Variants in ZNF423 observed in about 807,000 individuals in gnomAD.
ZNF423 encodes the protein zinc finger protein 423.
In ZNF423, 12 loss-of-function variants were observed where a neutral mutation model predicts 95.8. The ratio of observed to expected loss-of-function variants is 0.13; its 90% CI spans 0.08 to 0.20. ZNF423 has a LOEUF of 0.20. ZNF423 is among the 10% of genes least tolerant of loss of function. The pLI is 1.00. For synonymous variants in ZNF423, 749 were observed against 711.9 expected, an observed-to-expected ratio of 1.05 and a Z score of -0.83; for missense variants, 1,316 against 1,737.1, an observed-to-expected ratio of 0.76 and a Z score of 4.31.
At chr16:49,528,296 CT>C (rs1451654578) in intron 5 of ZNF423, among the ~76,000 whole-genome samples, 1 of 152,184 alleles carries the variant, frequency 6.6e-6, no homozygotes, top group Admixed American at 6.5e-5. Context: ...CTGGTCCCCC[CT>C]GATTCATAGC....
At chr16:49,602,528 A>C (rs1971406346) in intron 5 of ZNF423, among the ~76,000 whole-genome samples, 1 of 152,150 alleles carries the variant, frequency 6.6e-6, no homozygotes, top group African/African-American at 2.4e-5. Flanking sequence ...CAGTTTCAGC[A>C]GATTCCTCCA....
Position 49,677,769 on chromosome 16 carries a change from AGAG to A in ZNF423, c.302-38898_302-38896del, listed in dbSNP as rs146060321. ...ACCCTGTCTCAAAAAAAAAAAAAAA[AGAG>A]AGAGAGAGAGAGAGAATGATTAGAA... On this transcript the variant is annotated intron_variant, in intron 3 of 7. Transcript: ENST00000563137. Among the ~76,000 whole-genome samples the A allele has an allele frequency of 3.2e-3, 355 of 111,808 alleles. 1 individual carries two copies. The highest frequency in any genetic ancestry group is 8.6e-3 in the African/African-American group (204 of 23,656). The allele number at this position is 111,808 out of a possible 152,430, so 73.4% of individuals were successfully genotyped here. A position where few individuals can be genotyped will look rare whatever the true frequency, so the allele number is the denominator to read the frequency against.
intron 3 of ZNF423, among the ~76,000 whole-genome samples, chr16:49,716,685 C>T (rs2032717017): frequency 1.3e-5 from 2 of 152,086 alleles, no homozygotes; most frequent in Non-Finnish European, 2.9e-5. Flanking sequence ...TTTCCTGTTC[C>T]GAATCCCCCG....
intron 3 of ZNF423, among the ~76,000 whole-genome samples, chr16:49,677,729 G>A (rs2031175198): frequency 6.7e-6 from 1 of 148,204 alleles, no homozygotes; most frequent in African/African-American, 2.5e-5. Context: ...CCTCCGGCCT[G>A]GATAAAAGAG....
At chr16:49,766,214 T>C (rs1201607808) in intron 2 of ZNF423, among the ~76,000 whole-genome samples, 4 of 152,104 alleles carry the variant, frequency 2.6e-5, no homozygotes, top group African/African-American at 9.7e-5. Context: ...TAGGACCAAA[T>C]GCAATTCAAG....
intron 7 of ZNF423, chr16:49,518,201 T>C (rs1301776761): frequency 2.6e-6 from 1 of 381,238 alleles, no homozygotes; most frequent in South Asian, 2.0e-5. Context: ...GTTGACCACA[T>C]GCACTTGTAG....
chr16:49,849,698 A>G (rs757034322), intron 1 of ZNF423, among the ~76,000 whole-genome samples: 10 of 152,314 alleles, frequency 6.6e-5, no homozygotes, highest in Middle Eastern at 6.8e-3. Context: ...GCAGGTTAAA[A>G]AAGAAAGAAA....
chr16:49,766,350 G>A (rs547471217), intron 2 of ZNF423, among the ~76,000 whole-genome samples: 2 of 152,200 alleles, frequency 1.3e-5, no homozygotes, highest in Non-Finnish European at 2.9e-5. Flanking sequence ...GAAGTGACAG[G>A]AAGGCTCCTC....
rs1017634783 is a variant in ZNF423 at position 49,488,477 on chromosome 16, G to A, written c.*2798C>T. On this transcript the variant is annotated 3_prime_UTR_variant, in exon 8 of 8. Coordinates refer to ENST00000563137, the MANE Select transcript of ZNF423 (RefSeq NM_001379286.1). ...TAAATACAGCAGCAATGAACCTTAG[G>A]CTTTCAGTCACCTCGCCCACTCCCC... The A allele has an allele frequency of 2.0e-4, 30 of 152,216 alleles. No homozygotes were observed. The highest frequency in any genetic ancestry group is 7.0e-4 in the African/African-American group (29 of 41,444). The allele number at this position is 152,216 out of a possible 1,614,324, so 9.4% of individuals were successfully genotyped here. A position where few individuals can be genotyped will look rare whatever the true frequency, so the allele number is the denominator to read the frequency against.
In ZNF423 at chr16:49,491,235, G is replaced by T. The variant is rs746900694; in HGVS notation, c.*40C>A. ...AAATGGCCCTCCCCACGGCGTCTCC[G>T]GCAAGCCTTCTGCGGAGAGGTGTCC... is the stretch of plus-strand genomic sequence containing the variant. On this transcript the variant is annotated 3_prime_UTR_variant, in exon 8 of 8. Transcript: ENST00000563137. 3.1e-6 allele frequency: 5 copies of T among 1,613,808 alleles called. No homozygotes were observed. The South Asian group carries it at 4.4e-5, about 14-fold the overall frequency.
intron 5 of ZNF423, among the ~76,000 whole-genome samples, chr16:49,604,325 G>A (rs1971465596): frequency 6.6e-6 from 1 of 152,180 alleles, no homozygotes; most frequent in African/African-American, 2.4e-5. Flanking sequence ...CTCCAGGACA[G>A]GCCTGACCCA....
chr16:49,643,125 G>A (rs977594537), intron 3 of ZNF423, among the ~76,000 whole-genome samples: 1 of 151,974 alleles, frequency 6.6e-6, no homozygotes, highest in Non-Finnish European at 1.5e-5. Context: ...CTGGCCCAAG[G>A]TTCTCCTCTC....
At chr16:49,753,431 G>A (rs545673112) in intron 2 of ZNF423, among the ~76,000 whole-genome samples, 8 of 124,976 alleles carry the variant, frequency 6.4e-5, no homozygotes, top group Admixed American at 2.6e-4. Context: ...GCAAGACCCT[G>A]TCTACAGAAA....
chr16:49,653,632 C>T (rs1973497650), intron 3 of ZNF423, among the ~76,000 whole-genome samples: 1 of 152,172 alleles, frequency 6.6e-6, no homozygotes, highest in Non-Finnish European at 1.5e-5. Flanking sequence ...TGCAGAGCTG[C>T]ATCCCCATCT....
intron 5 of ZNF423, among the ~76,000 whole-genome samples, chr16:49,580,350 C>T (rs1179035750): frequency 3.3e-5 from 5 of 152,136 alleles, no homozygotes; most frequent in African/African-American, 9.7e-5. Flanking sequence ...ACCAATAACA[C>T]GTCTCTTAGT....
intron 5 of ZNF423, among the ~76,000 whole-genome samples, chr16:49,536,936 C>T (rs1042424184): frequency 1.3e-5 from 2 of 152,204 alleles, no homozygotes; most frequent in African/African-American, 2.4e-5. Context: ...CCTACAACAG[C>T]GTTGGGCACA....
chr16:49,796,111 G>C (rs2034495109), intron 1 of ZNF423, among the ~76,000 whole-genome samples: 1 of 152,142 alleles, frequency 6.6e-6, no homozygotes. Flanking sequence ...GTCAGAAGTT[G>C]TGGGAGGCTG....
intron 3 of ZNF423, chr16:49,664,421 C>G: frequency 8.7e-6 from 4 of 457,896 alleles, no homozygotes; most frequent in Non-Finnish European, 1.2e-5. Context: ...GGGCTCAGGC[C>G]ACGCGGCCAG....
In ZNF423 at chr16:49,674,930, C is replaced by T. The variant is rs1380538620; in HGVS notation, c.302-36056G>A. 3.9e-5 allele frequency among the ~76,000 whole-genome samples: 6 copies of T among 152,304 alleles called. No individual in the cohort carries two copies. In the East Asian group the frequency reaches 9.7e-4, roughly 25 times the overall value. ...CCATCTTGCCCTTGGTGAGAGAAAA[C>T]TCCAGCACACCAAGATGTCCTGGGA... On this transcript the variant is annotated intron_variant, in intron 3 of 7. Coordinates refer to ENST00000563137, the MANE Select transcript of ZNF423 (RefSeq NM_001379286.1).
Sources: gnomAD v4.1 joint callset for allele counts (sites outside exome capture counted in the v4.1 genomes callset) on GRCh38, gnomAD v4.1.1 for gene constraint, MANE v1.5 for transcripts, NCBI Gene and HGNC (gene_info 2026-07-23, HGNC 2026-07-21) for gene names.